TRAF3: variants seen among roughly 807,000 people sequenced by gnomAD.
TRAF3 encodes the protein TNF receptor associated factor 3, also known as TNF receptor-associated factor 3.
Under a neutral mutation model 62.3 loss-of-function variants are expected in TRAF3, and 13 were observed. That is an observed-to-expected ratio of 0.21 (90% CI 0.14 to 0.33). The LOEUF is 0.33. Ranked by LOEUF, TRAF3 falls within the 10% of genes least tolerant of loss-of-function variation. TRAF3 has a pLI of 1.00. For missense variants in TRAF3, 440 were observed against 741.8 expected, an observed-to-expected ratio of 0.59 and a Z score of 4.73; for synonymous variants, 269 against 283.4, an observed-to-expected ratio of 0.95 and a Z score of 0.51.
chr14:102,871,862 G>C, intron 3 of TRAF3, 55 bp from the exon 4 acceptor site: 1 of 1,548,818 alleles, frequency 6.5e-7, no homozygotes, highest in Non-Finnish European at 8.9e-7. Flanking sequence ...AATCTCCTGA[G>C]TCCTCTCAAG....
At chr14:102,829,486 G>T (rs1478038360) in intron 1 of TRAF3, among the ~76,000 whole-genome samples, 2 of 152,216 alleles carry the variant, frequency 1.3e-5, no homozygotes, top group Non-Finnish European at 2.9e-5. Flanking sequence ...GCCTGTGTGT[G>T]TGTGATGACC....
intron 2 of TRAF3, among the ~76,000 whole-genome samples, chr14:102,864,118 T>TAA: frequency 6.6e-6 from 1 of 152,112 alleles, no homozygotes; most frequent in East Asian, 1.9e-4. Flanking sequence ...AGTTTTAAAA[T>TAA]AGTAGATTCT....
At position 102,856,516 on chromosome 14, in the gene TRAF3, G is replaced by A. The variant is rs146183412; in HGVS notation, c.-17-13669G>A. Among the ~76,000 whole-genome samples, 11 of 152,242 alleles carry A rather than the reference G, an allele frequency of 7.2e-5. No homozygotes were observed. The East Asian group carries it at 1.2e-3, about 16-fold the overall frequency. On this transcript the variant is annotated intron_variant, in intron 2 of 11. Coordinates refer to ENST00000392745, the MANE Select transcript of TRAF3 (RefSeq NM_145725.3). ...AGGACAACCAGAGGTCACTTTCATC[G>A]CCATCTTGGTTTTGGTCAGCTTCTT...
At chr14:102,818,144 T>C (rs142879913) in intron 1 of TRAF3, among the ~76,000 whole-genome samples, 11 of 152,324 alleles carry the variant, frequency 7.2e-5, no homozygotes, top group African/African-American at 2.6e-4. Flanking sequence ...CTTTTCCCCG[T>C]GTTCTCAAAA....
intron 3 of TRAF3, 107 bp downstream of exon 3, chr14:102,870,553 A>G (rs952515828): frequency 6.8e-7 from 1 of 1,465,242 alleles, no homozygotes; most frequent in Non-Finnish European, 9.2e-7. Context: ...TTAAAGCCCT[A>G]AAGAAGTCCA....
chr14:102,835,719 CAAA>C (rs1885958877), intron 2 of TRAF3, among the ~76,000 whole-genome samples: 1 of 151,882 alleles, frequency 6.6e-6, no homozygotes, highest in African/African-American at 2.4e-5. Context: ...CACATGGACA[CAAA>C]GAAGGGAACA....
rs1890380831 is a variant in TRAF3 at position 102,903,023 on chromosome 14, T to C, written c.961-232T>C. 1 of 604,376 alleles carries C rather than the reference T, an allele frequency of 1.7e-6. No homozygotes were observed. Among genetic ancestry groups the C allele is most frequent in the South Asian group, 1.8e-5 (1 of 56,138 alleles). The allele number at this position is 604,376 out of a possible 1,614,324, so 37.4% of individuals were successfully genotyped here. A position where few individuals can be genotyped will look rare whatever the true frequency, so the allele number is the denominator to read the frequency against. ...TGGAGCCTCCTGTTGTTTTCTTCCA[T>C]GTGGCTTCATGTCACCTCGAGTGCT... On this transcript the variant is annotated intron_variant, in intron 10 of 11. Coordinates refer to ENST00000392745, the MANE Select transcript of TRAF3 (RefSeq NM_145725.3). The surrounding 1 kb of genome is among the most constrained non-coding windows in gnomAD (Gnocchi z 6.4).
chr14:102,848,493 G>C (rs1429919763), intron 2 of TRAF3, among the ~76,000 whole-genome samples: 1 of 152,202 alleles, frequency 6.6e-6, no homozygotes, highest in Admixed American at 6.5e-5. Context: ...AGTTTGAAAT[G>C]TTTGCATCCA....
intron 2 of TRAF3, among the ~76,000 whole-genome samples, chr14:102,838,570 A>C (rs1886166344): frequency 6.6e-6 from 1 of 152,248 alleles, no homozygotes; most frequent in South Asian, 2.1e-4. Context: ...GAAAACCATG[A>C]GTCTAGTGAT....
At chr14:102,849,225 G>T (rs1413537798) in intron 2 of TRAF3, among the ~76,000 whole-genome samples, 3 of 152,232 alleles carry the variant, frequency 2.0e-5, no homozygotes, top group African/African-American at 7.2e-5. Flanking sequence ...CCAGGAAGAT[G>T]AACCTTATCA....
chr14:102,781,446 C>T (rs1481431754), intron 1 of TRAF3, among the ~76,000 whole-genome samples: 2 of 152,220 alleles, frequency 1.3e-5, no homozygotes, highest in South Asian at 4.2e-4. Context: ...GCTGTCCCTA[C>T]CATTTTTCAT....
In TRAF3 at chr14:102,784,572, A is replaced by G. The variant is rs917142433; in HGVS notation, c.-157+6897A>G. ...AGGGTCAATTGAGAATTATTGAATC[A>G]CCCACACTTTCTTTGAGAACTTTCT... On this transcript the variant is annotated intron_variant, in intron 1 of 11. Transcript: ENST00000392745. 1.1e-4 allele frequency among the ~76,000 whole-genome samples: 16 copies of G among 152,134 alleles called. 1 individual carries two copies. The highest frequency in any genetic ancestry group is 3.6e-4 in the African/African-American group (15 of 41,418).
rs1224353999 is a variant in TRAF3, at chr14:102,909,740, C to T, written c.*3956C>T. 1.3e-5 allele frequency: 2 copies of T among 152,280 alleles called. No individual in the cohort carries two copies. The highest frequency in any genetic ancestry group is 2.4e-5 in the African/African-American group (1 of 41,452). 9.4% of individuals were successfully genotyped at this position (152,280 alleles called of 1,614,324 possible). ...CACAGCCCCTGGGACAGCCAGCTGC[C>T]TCCCAGACCACGTCAGCCTGCTCCA... On this transcript the variant is annotated 3_prime_UTR_variant, in exon 12 of 12. Coordinates refer to ENST00000392745, the MANE Select transcript of TRAF3 (RefSeq NM_145725.3).
Position 102,905,802 on chromosome 14 carries a change from G to A in TRAF3, c.*18G>A, listed in dbSNP as rs754085686. The A allele has an allele frequency of 2.5e-6, 4 of 1,608,778 alleles. No individual in the cohort carries two copies. Among genetic ancestry groups the A allele is most frequent in the Non-Finnish European group, 2.6e-6 (3 of 1,176,088 alleles). On this transcript the variant is annotated 3_prime_UTR_variant, in exon 12 of 12. Coordinates refer to ENST00000392745, the MANE Select transcript of TRAF3 (RefSeq NM_145725.3). ...ATCCCTGATAAGTAGCTGGGGAGGT[G>A]GATTTAGCAGAAGGCAACTCCTCTG... is the stretch of plus-strand genomic sequence containing the variant.
chr14:102,820,586 ATATATATATATATATATATATATATATAT>A (rs1899847522), intron 1 of TRAF3, among the ~76,000 whole-genome samples: 1 of 5,780 alleles, frequency 1.7e-4, no homozygotes, highest in East Asian at 0.011. Flanking sequence ...ATATATATAT[ATATATATATATATATATATATATATATAT>A]TTTTTTTTTT....
At chr14:102,884,557 C>T (rs934133318) in intron 6 of TRAF3, among the ~76,000 whole-genome samples, 1 of 152,126 alleles carries the variant, frequency 6.6e-6, no homozygotes, top group Non-Finnish European at 1.5e-5. Flanking sequence ...CACCTGTAAT[C>T]CCAGCACTTT....
intron 1 of TRAF3, among the ~76,000 whole-genome samples, chr14:102,782,597 A>G (rs1232026038): frequency 6.6e-6 from 1 of 152,068 alleles, no homozygotes. Flanking sequence ...TGTTTAAATG[A>G]CCTAAGTCTC....
chr14:102,811,912 C>CTTTTTT (rs1899193346), intron 1 of TRAF3, among the ~76,000 whole-genome samples: 1 of 32,668 alleles, frequency 3.1e-5, no homozygotes, highest in Non-Finnish European at 8.2e-5. Context: ...CATGCCTGGC[C>CTTTTTT]CTTTTTTTTT....
In TRAF3 at chr14:102,826,514, A is replaced by G. The variant is rs957997332; in HGVS notation, c.-156-3820A>G. 6.6e-6 allele frequency among the ~76,000 whole-genome samples: 1 copy of G among 152,152 alleles called. No homozygotes were observed. The highest frequency in any genetic ancestry group is 1.5e-5 in the Non-Finnish European group (1 of 68,028). On this transcript the variant is annotated intron_variant, in intron 1 of 11. Transcript: ENST00000392745. This position sits in a 1 kb window ranked among gnomAD's most constrained non-coding sequence, Gnocchi z 4.6. ...CCAGGGGTGGGAAGGGAGTCAGTGA[A>G]GACGTCCTGGAGGAGAAGATTCCAG...
Sources: gnomAD v4.1 joint callset for allele counts (sites outside exome capture counted in the v4.1 genomes callset) on GRCh38, gnomAD v4.1.1 for gene constraint, Gnocchi (gnomAD v3.1) non-coding constraint, MANE v1.5 for transcripts, NCBI Gene and HGNC (gene_info 2026-07-23, HGNC 2026-07-21) for gene names.